AVEN: variants seen among roughly 807,000 people sequenced by gnomAD.
The protein encoded by AVEN is apoptosis and caspase activation inhibitor.
AVEN carries 41 observed loss-of-function variants against 38.1 expected under a neutral mutation model. The observed-to-expected ratio is 1.08, with a 90% CI of 0.84 to 1.40. AVEN has a LOEUF of 1.40. Among genes scored for constraint, AVEN ranks in the 40% most tolerant of loss-of-function variants. The pLI, the probability that AVEN is intolerant of heterozygous loss-of-function variation, is 0.00. For missense variants in AVEN, 605 were observed against 438.8 expected, an observed-to-expected ratio of 1.38 and a Z score of -3.38; for synonymous variants, 206 against 171.8, an observed-to-expected ratio of 1.20 and a Z score of -1.56.
chr15:34,050,934 CA>C (rs1899907001), intron 5 of AVEN, among the ~76,000 whole-genome samples: 1 of 152,156 alleles, frequency 6.6e-6, no homozygotes, highest in Admixed American at 6.5e-5. Flanking sequence ...CTATATTAGA[CA>C]GATCACTGAG....
intron 1 of AVEN, among the ~76,000 whole-genome samples, chr15:34,032,168 T>C (rs1439018737): frequency 6.6e-6 from 1 of 152,160 alleles, no homozygotes; most frequent in Non-Finnish European, 1.5e-5. Flanking sequence ...CCTTTGATAC[T>C]TCAAAGTGCA....
chr15:33,907,921 A>T (rs1892768999), intron 2 of AVEN, among the ~76,000 whole-genome samples: 1 of 152,192 alleles, frequency 6.6e-6, no homozygotes, highest in Non-Finnish European at 1.5e-5. Flanking sequence ...AACACAATAC[A>T]AAATGCATCT....
intron 2 of AVEN, among the ~76,000 whole-genome samples, chr15:33,996,708 G>A (rs1164929445): frequency 6.6e-6 from 1 of 152,050 alleles, no homozygotes; most frequent in Non-Finnish European, 1.5e-5. Context: ...TAGGTCACCA[G>A]CATCAAAGAC....
chr15:33,933,832 A>G (rs571257127), intron 2 of AVEN, among the ~76,000 whole-genome samples: 2 of 152,172 alleles, frequency 1.3e-5, no homozygotes, highest in East Asian at 3.9e-4. Context: ...GGTGACACAC[A>G]CCTGTAATCC....
chr15:33,995,087 T>C (rs1896878826), intron 2 of AVEN, among the ~76,000 whole-genome samples: 1 of 152,122 alleles, frequency 6.6e-6, no homozygotes, highest in South Asian at 2.1e-4. Flanking sequence ...CACAGCAAGG[T>C]CCTGTCTCTA....
chr15:33,912,037 TTATC>T (rs1013624291), intron 2 of AVEN, among the ~76,000 whole-genome samples: 1 of 152,220 alleles, frequency 6.6e-6, no homozygotes, highest in African/African-American at 2.4e-5. Context: ...ATGATGTAAA[TTATC>T]TATGGATCTT....
intron 2 of AVEN, among the ~76,000 whole-genome samples, chr15:33,927,278 A>AATG (rs1190754205): frequency 6.7e-6 from 1 of 149,936 alleles, no homozygotes; most frequent in Non-Finnish European, 1.5e-5. Context: ...TAATAATAAT[A>AATG]ATAATTGAAC....
intron 5 of AVEN, among the ~76,000 whole-genome samples, chr15:34,044,329 A>G (rs1357600458): frequency 6.6e-6 from 1 of 152,184 alleles, no homozygotes; most frequent in African/African-American, 2.4e-5. Flanking sequence ...TGGTCAGGTC[A>G]CTGGCCTAAT....
rs115041123 is a variant in AVEN, at chr15:33,894,280, C to A, written c.446-18285G>T. Reference sequence around the variant, plus strand: ...CAAGAATTTTAAATAGCACTACCAGCACCAAAAGTGCAGAACCAGGAAGGA... The same window carrying A: ...CAAGAATTTTAAATAGCACTACCAGAACCAAAAGTGCAGAACCAGGAAGGA... On this transcript the variant is annotated intron_variant, in intron 2 of 5. Transcript: ENST00000306730. Among the ~76,000 whole-genome samples the A allele has an allele frequency of 9.3e-3, 1,417 of 152,026 alleles. 29 individuals are homozygous for A. Among genetic ancestry groups the A allele is most frequent in the African/African-American group, 0.032 (1,311 of 41,454 alleles).
At chr15:34,003,828 C>T (rs1376542862) in intron 1 of AVEN, among the ~76,000 whole-genome samples, 1 of 152,120 alleles carries the variant, frequency 6.6e-6, no homozygotes, top group African/African-American at 2.4e-5. Flanking sequence ...TGTTTTAGTA[C>T]TTCTTATTAA....
intron 1 of AVEN, among the ~76,000 whole-genome samples, chr15:34,020,011 C>T (rs1288431441): frequency 6.6e-6 from 1 of 152,174 alleles, no homozygotes; most frequent in Non-Finnish European, 1.5e-5. Context: ...CTTTTCCATG[C>T]CTCAAAATAG....
chr15:33,968,859 A>G (rs572918743), intron 2 of AVEN: 1 of 152,210 alleles, frequency 6.6e-6, no homozygotes, highest in African/African-American at 2.4e-5. Flanking sequence ...TGAATCTTTA[A>G]TAAGTTCTCA....
At chr15:33,880,999 T>C (rs1421848944) in intron 2 of AVEN, among the ~76,000 whole-genome samples, 2 of 152,192 alleles carry the variant, frequency 1.3e-5, no homozygotes, top group Non-Finnish European at 2.9e-5. Context: ...CACATTTTGT[T>C]TTCAGGAATA....
At chr15:34,027,224 T>C (rs2257058) in intron 1 of AVEN, among the ~76,000 whole-genome samples, 151,109 of 152,282 alleles carry the variant, frequency 0.99, 74,985 homozygotes, top group Middle Eastern at 1. Context: ...GGTCTGCAGT[T>C]GCTTTGAAAA....
intron 2 of AVEN, among the ~76,000 whole-genome samples, chr15:33,974,137 T>C (rs1244251881): frequency 2.0e-5 from 3 of 152,252 alleles, no homozygotes; most frequent in African/African-American, 7.2e-5. Flanking sequence ...TTTGCTATAC[T>C]ACTAGATCTA....
intron 2 of AVEN, among the ~76,000 whole-genome samples, chr15:33,932,056 T>C (rs1398778191): frequency 6.6e-6 from 1 of 152,182 alleles, no homozygotes; most frequent in African/African-American, 2.4e-5. Context: ...ACTTCCAGCA[T>C]GTAAAAGTCA....
At chr15:34,047,002 G>A (rs1388761977) in intron 5 of AVEN, 5 of 152,164 alleles carry the variant, frequency 3.3e-5, no homozygotes, top group Non-Finnish European at 5.9e-5. Flanking sequence ...GCTGTGCGGA[G>A]TTTCAGCAGA....
chr15:33,917,503 G>T (rs949766545), intron 2 of AVEN, among the ~76,000 whole-genome samples: 15 of 115,176 alleles, frequency 1.3e-4, no homozygotes, highest in Admixed American at 1.8e-4. Context: ...ATATACACAC[G>T]GAATAATTCA....
intron 1 of AVEN, among the ~76,000 whole-genome samples, chr15:34,014,366 T>A (rs1344924230): frequency 8.0e-5 from 1 of 12,458 alleles, no homozygotes; most frequent in African/African-American, 4.1e-4. Flanking sequence ...CTCCATCTCA[T>A]TAAAAAAAAA....
Sources: allele counts gnomAD v4.1 joint callset (sites outside exome capture counted in the v4.1 genomes callset), GRCh38; gene constraint gnomAD v4.1.1; transcripts MANE v1.5; gene names NCBI Gene and HGNC (gene_info 2026-07-23, HGNC 2026-07-21).